COL10A1: variants seen among roughly 807,000 people sequenced by gnomAD.
COL10A1 encodes the protein collagen type X alpha 1 chain.
In COL10A1, 10 loss-of-function variants were observed where a neutral mutation model predicts 18.2. That is an observed-to-expected ratio of 0.55 (90% CI 0.34 to 0.93). The LOEUF is 0.93. Ranked by LOEUF, COL10A1 falls within the 40% of genes least tolerant of loss-of-function variation. COL10A1 has a pLI of 0.02. For missense variants in COL10A1, 897 were observed against 853.5 expected, an observed-to-expected ratio of 1.05 and a Z score of -0.64; for synonymous variants, 330 against 316.6, an observed-to-expected ratio of 1.04 and a Z score of -0.45.
chr6:116,122,000 A>T (rs1412628685), intron 2 of COL10A1, 39 bp from the exon 3 acceptor site: 2 of 1,546,674 alleles, frequency 1.3e-6, no homozygotes, highest in East Asian at 4.5e-5. Context: ...ATAGAAGGGG[A>T]TGGTTAGTGA....
At chr6:116,185,426 T>G in the COL10A1 span, among the ~76,000 whole-genome samples, 1 of 152,160 alleles carries the variant, frequency 6.6e-6, no homozygotes. Context: ...GTTGTCTTTC[T>G]GTCTTGATGG....
intron 1 of COL10A1, among the ~76,000 whole-genome samples, chr6:116,134,757 G>GT (rs1248801471): frequency 6.6e-6 from 1 of 152,176 alleles, no homozygotes; most frequent in Non-Finnish European, 1.5e-5. Context: ...TGCTGTTCTA[G>GT]TAAGTGTGTA....
chr6:116,131,896 G>A (rs1186136732), intron 1 of COL10A1, among the ~76,000 whole-genome samples: 2 of 151,982 alleles, frequency 1.3e-5, no homozygotes, highest in Non-Finnish European at 2.9e-5. Context: ...TTATCATTTA[G>A]CTCCTACTTA....
the COL10A1 span, among the ~76,000 whole-genome samples, chr6:116,191,104 A>C: frequency 1.3e-5 from 2 of 151,976 alleles, no homozygotes; most frequent in South Asian, 2.1e-4. Flanking sequence ...GTTAAATGCA[A>C]ATATCTGTGG....
the COL10A1 span, among the ~76,000 whole-genome samples, chr6:116,179,130 G>A: frequency 1.3e-5 from 2 of 152,108 alleles, no homozygotes; most frequent in Admixed American, 6.6e-5. Context: ...AAGTGTCATT[G>A]TAAGGGTGGG....
chr6:116,180,484 A>T, the COL10A1 span, among the ~76,000 whole-genome samples: 1 of 152,086 alleles, frequency 6.6e-6, no homozygotes, highest in African/African-American at 2.4e-5. Flanking sequence ...AAACTGCTAA[A>T]ACTTAAGTGA....
intron 1 of COL10A1, among the ~76,000 whole-genome samples, chr6:116,146,395 A>G (rs945707652): frequency 1.3e-5 from 2 of 152,152 alleles, no homozygotes; most frequent in African/African-American, 4.8e-5. Flanking sequence ...TAAAAGGGGT[A>G]AGAAGGAATT....
rs1299395887 is a variant in COL10A1 at position 116,119,345 on chromosome 6, T to C, written c.*728A>G. The C allele has an allele frequency of 6.6e-6, 1 of 152,442 alleles. No individual in the cohort carries two copies. The highest frequency in any genetic ancestry group is 2.4e-5 in the African/African-American group (1 of 41,472). 9.4% of individuals were successfully genotyped at this position (152,442 alleles called of 1,614,324 possible). The stretch of plus-strand genomic sequence containing the variant: ...ACTAAATAAGAATAGGTCAGATACC[T>C]GTTTCCAAGTTATGCTGGGTATATA... On this transcript the variant is annotated 3_prime_UTR_variant, in exon 3 of 3. Transcript: ENST00000651968.
chr6:116,202,766 A>G, the COL10A1 span, among the ~76,000 whole-genome samples: 1 of 152,036 alleles, frequency 6.6e-6, no homozygotes, highest in East Asian at 1.9e-4. Flanking sequence ...TAAGACAATG[A>G]CAGCTATTTT....
chr6:116,204,407 T>TA, the COL10A1 span, among the ~76,000 whole-genome samples: 47 of 152,028 alleles, frequency 3.1e-4, no homozygotes, highest in African/African-American at 1.1e-3. Context: ...AAATGCAAGG[T>TA]AAAACAATGA....
chr6:116,133,402 T>A (rs1015691963), intron 1 of COL10A1, among the ~76,000 whole-genome samples: 2 of 152,152 alleles, frequency 1.3e-5, no homozygotes, highest in Non-Finnish European at 2.9e-5. Flanking sequence ...TATTTAGATC[T>A]CTTTGTTCCT....
At chr6:116,188,692 C>A in the COL10A1 span, among the ~76,000 whole-genome samples, 1 of 138,790 alleles carries the variant, frequency 7.2e-6, no homozygotes, top group African/African-American at 2.9e-5. Context: ...TTCTGGTATC[C>A]TGGAAATTTT....
At chr6:116,123,143 A>G (rs1779186761) in intron 2 of COL10A1, among the ~76,000 whole-genome samples, 1 of 152,226 alleles carries the variant, frequency 6.6e-6, no homozygotes, top group East Asian at 1.9e-4. Flanking sequence ...TATAAGGGTC[A>G]TGTTCACACT....
At chr6:116,208,924 A>T in the COL10A1 span, among the ~76,000 whole-genome samples, 221 of 152,120 alleles carry the variant, frequency 1.5e-3, 1 homozygote, top group Non-Finnish European at 4.7e-4. Context: ...GGGCAGTTAC[A>T]TCATGGCTGG....
Position 116,120,295 on chromosome 6 carries a change from C to G in COL10A1, c.1821G>C (p.Gly607=). Reference sequence around the variant, plus strand: ...TATACAGGCCTACCCAAACATGAGTCCCTTTCACATGCACGTGGTATGAAA... The same window carrying G: ...TATACAGGCCTACCCAAACATGAGTGCCTTTCACATGCACGTGGTATGAAA... ...YYFSYHVHVK[G]THVWVGLYKN... Residue 607 remains glycine (G), a synonymous_variant, in exon 3 of 3, where the codon GGG becomes GGC. Coordinates refer to ENST00000651968, the MANE Select transcript of COL10A1 (RefSeq NM_000493.4). 6.2e-7 allele frequency: 1 copy of G among 1,614,188 alleles called. No individual in the cohort carries two copies. The highest frequency in any genetic ancestry group is 8.5e-7 in the Non-Finnish European group (1 of 1,180,032).
chr6:116,137,808 G>A (rs1331006665), intron 1 of COL10A1, among the ~76,000 whole-genome samples: 2 of 152,148 alleles, frequency 1.3e-5, no homozygotes, highest in Non-Finnish European at 2.9e-5. Flanking sequence ...TTGGCCGGAC[G>A]CACTGGCTTA....
At position 116,121,914 on chromosome 6, in the gene COL10A1, C is replaced by T. The variant is rs1779144118; in HGVS notation, c.202G>A (p.Ala68Thr). 20 of 1,613,788 alleles carry T rather than the reference C, an allele frequency of 1.2e-5. No homozygotes were observed. Among genetic ancestry groups the T allele is most frequent in the Non-Finnish European group, 1.7e-5 (20 of 1,179,996 alleles). ...GGACCTGGGTGCCCTCGAGGTCCAG[C>T]AGGGCCTGGTGGACCAGGAGTACCT... ...EQGTPGPPGP[A>T]GPRGHPGPSG... Residue 68 changes from alanine (A) to threonine (T), a missense_variant, in exon 3 of 3, where the codon GCT (alanine) becomes ACT (threonine). Physicochemically the swap from Ala to Thr is moderately conservative, Grantham distance 58. Transcript: ENST00000651968.
chr6:116,184,001 A>T, the COL10A1 span, among the ~76,000 whole-genome samples: 1 of 151,942 alleles, frequency 6.6e-6, no homozygotes, highest in African/African-American at 2.4e-5. Context: ...ATTGTTTTCA[A>T]CTTTTCCCTG....
chr6:116,199,399 ATT>A, the COL10A1 span, among the ~76,000 whole-genome samples: 1 of 152,118 alleles, frequency 6.6e-6, no homozygotes, highest in African/African-American at 2.4e-5. Context: ...CAACACTGCT[ATT>A]ATTAGCCTTG....
Sources: allele counts gnomAD v4.1 joint callset (sites outside exome capture counted in the v4.1 genomes callset), GRCh38; gene constraint gnomAD v4.1.1; transcripts MANE v1.5; gene names NCBI Gene and HGNC (gene_info 2026-07-23, HGNC 2026-07-21).